The following TRIM75 variants were observed in gnomAD, a reference collection of about 807,000 sequenced individuals.
TRIM75 encodes tripartite motif containing 75.
chr4:165,053,979 G>A, the TRIM75 span, among the ~76,000 whole-genome samples: 1 of 152,046 alleles, frequency 6.6e-6, no homozygotes, highest in African/African-American at 2.4e-5. Flanking sequence ...CCGTGGGTGC[G>A]GGAGGCTGGA....
At chr4:165,054,055 G>A in the TRIM75 span, among the ~76,000 whole-genome samples, 4 of 151,936 alleles carry the variant, frequency 2.6e-5, no homozygotes, top group Non-Finnish European at 5.9e-5. Context: ...CACCTCACAA[G>A]GGAACCTGAA....
the TRIM75 span, chr4:165,059,515 C>G: frequency 2.6e-6 from 2 of 780,926 alleles, no homozygotes; most frequent in Admixed American, 1.7e-5. Flanking sequence ...ACTCAGCCCC[C>G]TGACCACCAG....
chr4:165,055,146 A>T, the TRIM75 span, among the ~76,000 whole-genome samples: 47 of 150,942 alleles, frequency 3.1e-4, no homozygotes, highest in African/African-American at 3.9e-4. Context: ...TTAAAAAAAA[A>T]TTTTTTTTTG....
the TRIM75 span, among the ~76,000 whole-genome samples, chr4:165,054,084 AATGTT>A: frequency 4.0e-5 from 6 of 151,720 alleles, no homozygotes; most frequent in Admixed American, 2.6e-4. Context: ...CAGGTTATTT[AATGTT>A]TTTATTTTCA....
At chr4:165,055,674 G>A in the TRIM75 span, among the ~76,000 whole-genome samples, 1 of 152,200 alleles carries the variant, frequency 6.6e-6, no homozygotes, top group African/African-American at 2.4e-5. Context: ...TGAACAAAGA[G>A]AAGGAGCTAA....
the TRIM75 span, among the ~76,000 whole-genome samples, chr4:165,054,513 C>T: frequency 1.1e-4 from 16 of 152,052 alleles, no homozygotes; most frequent in African/African-American, 3.6e-4. Context: ...GTGATCCACC[C>T]GCCGTGGCCT....
the TRIM75 span, chr4:165,059,772 G>A: frequency 1.3e-6 from 1 of 780,890 alleles, no homozygotes; most frequent in South Asian, 1.3e-5. Flanking sequence ...AGCTGAAGAA[G>A]AGAAGGACAA....
chr4:165,059,821 A>G, the TRIM75 span: 1 of 780,910 alleles, frequency 1.3e-6, no homozygotes, highest in South Asian at 1.3e-5. Context: ...GCATTTTCAA[A>G]CTACAGTGCC....
chr4:165,059,966 A>T, the TRIM75 span: 24 of 778,516 alleles, frequency 3.1e-5, no homozygotes, highest in Admixed American at 3.9e-4. Flanking sequence ...ATTTAAAGAG[A>T]GATGGCTGCA....
At chr4:165,055,351 C>T in the TRIM75 span, among the ~76,000 whole-genome samples, 1 of 149,506 alleles carries the variant, frequency 6.7e-6, no homozygotes, top group Non-Finnish European at 1.5e-5. Context: ...GTGGCACGAT[C>T]CTGGCTCACC....
At chr4:165,059,397 A>G in the TRIM75 span, 10 of 780,752 alleles carry the variant, frequency 1.3e-5, no homozygotes, top group Non-Finnish European at 2.2e-5. Flanking sequence ...ACTCCAGAGC[A>G]CCAAGAGTAA....
chr4:165,057,495 A>G, the TRIM75 span, among the ~76,000 whole-genome samples: 25 of 152,294 alleles, frequency 1.6e-4, no homozygotes, highest in Non-Finnish European at 3.7e-4. Flanking sequence ...TCAAATTACA[A>G]TGTCAAAGGA....
At chr4:165,059,545 T>G in the TRIM75 span, 1 of 780,890 alleles carries the variant, frequency 1.3e-6, no homozygotes, top group South Asian at 1.3e-5. Flanking sequence ...GTGAGGCCCA[T>G]AGAGAAAGCT....
chr4:165,059,597 C>T, the TRIM75 span: 11 of 780,704 alleles, frequency 1.4e-5, no homozygotes, highest in African/African-American at 3.4e-5. Context: ...ACATCCAGCC[C>T]CTGAAAAAGC....
chr4:165,059,732 C>A, the TRIM75 span: 1 of 780,880 alleles, frequency 1.3e-6, no homozygotes, highest in Non-Finnish European at 2.4e-6. Flanking sequence ...AGTTTTTAGA[C>A]CGTGAGCAAC....
At chr4:165,057,369 T>G in the TRIM75 span, among the ~76,000 whole-genome samples, 3 of 152,138 alleles carry the variant, frequency 2.0e-5, no homozygotes, top group Non-Finnish European at 4.4e-5. Context: ...TAGACTTCAG[T>G]GAGCCATGAT....
At chr4:165,054,637 T>G in the TRIM75 span, among the ~76,000 whole-genome samples, 7 of 152,192 alleles carry the variant, frequency 4.6e-5, no homozygotes, top group African/African-American at 1.7e-4. Flanking sequence ...TGATCTCAAG[T>G]GTTCCGCCTG....
At chr4:165,059,428 C>CAAG in the TRIM75 span, 1 of 780,762 alleles carries the variant, frequency 1.3e-6, no homozygotes, top group Non-Finnish European at 2.4e-6. Flanking sequence ...CAGGAAGAGA[C>CAAG]CACCTTGTGC....
the TRIM75 span, chr4:165,059,819 A>C: frequency 1.3e-6 from 1 of 780,938 alleles, no homozygotes; most frequent in East Asian, 2.4e-5. Flanking sequence ...CAGCATTTTC[A>C]AACTACAGTG....
Sources: gnomAD v4.1 joint callset for allele counts (sites outside exome capture counted in the v4.1 genomes callset) on GRCh38, gnomAD v4.1.1 for gene constraint, MANE v1.5 for transcripts, NCBI Gene and HGNC (gene_info 2026-07-23, HGNC 2026-07-21) for gene names.